LMF1: variants seen among roughly 807,000 people sequenced by gnomAD.
LMF1 encodes transmembrane protein 112.
LMF1 carries 68 observed loss-of-function variants against 60.6 expected under a neutral mutation model. That is an observed-to-expected ratio of 1.12 (90% confidence interval 0.92 to 1.37). The LOEUF is 1.37. Among genes scored for constraint, LMF1 ranks in the 40% most tolerant of loss-of-function variants. The probability of loss-of-function intolerance (pLI) is 0.00; values close to 1 mark genes in which losing one functional copy is unlikely to be tolerated. For synonymous variants in LMF1, 418 were observed against 324.7 expected, an observed-to-expected ratio of 1.29 and a Z score of -3.09; for missense variants, 948 against 767.2, an observed-to-expected ratio of 1.24 and a Z score of -2.78.
intron 1 of LMF1, among the ~76,000 whole-genome samples, chr16:956,583 C>T (rs2151481150): frequency 6.6e-6 from 1 of 152,324 alleles, no homozygotes; most frequent in Non-Finnish European, 1.5e-5. Context: ...GTGGCTCACG[C>T]CTGTAATCCC....
At chr16:918,524 A>AT (rs1376945579) in intron 3 of LMF1, among the ~76,000 whole-genome samples, 3 of 152,210 alleles carry the variant, frequency 2.0e-5, no homozygotes, top group African/African-American at 4.8e-5. Context: ...ACACCTGACC[A>AT]TTTCTTTGTC....
chr16:879,794 G>A (rs1331892167), intron 5 of LMF1, 57 bp from the exon 6 acceptor site: 2 of 1,513,822 alleles, frequency 1.3e-6, no homozygotes, highest in African/African-American at 2.8e-5. Context: ...GCGGGGCTAG[G>A]GAGAGGCTTG....
intron 3 of LMF1, among the ~76,000 whole-genome samples, chr16:926,399 C>T (rs114740696): frequency 0.011 from 1,628 of 152,142 alleles, 29 homozygotes; most frequent in African/African-American, 0.035. Flanking sequence ...GTGTAGTTTG[C>T]GTATGATCTG....
chr16:868,608 C>T (rs1220963590), intron 10 of LMF1, among the ~76,000 whole-genome samples: 3 of 152,210 alleles, frequency 2.0e-5, no homozygotes, highest in Non-Finnish European at 2.9e-5. Context: ...CTTGCCTCTC[C>T]AGGCCAGGAG....
Position 897,737 on chromosome 16 carries a change from G to T in LMF1, c.664-4665C>A, listed in dbSNP as rs1199385738. ...GCTCCGTGGGCAGAGGCACTATGGG[G>T]TCTATCAAGACCCTCTAGTCTCCAT... On this transcript the variant is annotated intron_variant, in intron 4 of 10. Coordinates refer to ENST00000262301, the MANE Select transcript of LMF1 (RefSeq NM_022773.4). This position sits in a 1 kb window ranked among gnomAD's most constrained non-coding sequence, Gnocchi z 4.3. Among the ~76,000 whole-genome samples, 4 of 152,176 alleles carry T rather than the reference G, an allele frequency of 2.6e-5. No homozygotes were observed. Among genetic ancestry groups the T allele is most frequent in the Non-Finnish European group, 4.4e-5 (3 of 68,018 alleles).
At chr16:948,945 G>C (rs451320) in intron 2 of LMF1, among the ~76,000 whole-genome samples, 63 of 53,374 alleles carry the variant, frequency 1.2e-3, no homozygotes, top group African/African-American at 5.8e-3. Flanking sequence ...TCAGAGCCAA[G>C]GACAGAGTCA....
intron 3 of LMF1, among the ~76,000 whole-genome samples, chr16:922,748 C>G (rs7500155): frequency 1.6e-5 from 1 of 61,060 alleles, no homozygotes; most frequent in Non-Finnish European, 2.9e-5. Context: ...GTGGTGTTGG[C>G]GTCGTGTTGT....
At chr16:880,704 T>C (rs1325457939) in intron 5 of LMF1, among the ~76,000 whole-genome samples, 1 of 152,218 alleles carries the variant, frequency 6.6e-6, no homozygotes, top group Non-Finnish European at 1.5e-5. Flanking sequence ...AGAGTGGTTG[T>C]GCAGACTTGT....
At chr16:910,797 C>A in intron 4 of LMF1, 134 bp downstream of exon 4, 1 of 1,113,082 alleles carries the variant, frequency 9.0e-7, no homozygotes, top group South Asian at 1.5e-5. Context: ...GAGTGCGCAG[C>A]TGGCCAGGCC....
Position 854,169 on chromosome 16 carries a change from C to A in LMF1, c.*363G>T. ...GCTAGAGACCCCAAGAGCTACCTGG[C>A]TGGGTCTATGGTCAGGGCTGTAGTG... On this transcript the variant is annotated 3_prime_UTR_variant, in exon 11 of 11. Transcript: ENST00000262301. 1 of 495,982 alleles carries A rather than the reference C, an allele frequency of 2.0e-6. No individual in the cohort carries two copies. The highest frequency in any genetic ancestry group is 3.9e-6 in the Non-Finnish European group (1 of 254,920). The allele number at this position is 495,982 out of a possible 1,614,324, so 30.7% of individuals were successfully genotyped here.
intron 5 of LMF1, among the ~76,000 whole-genome samples, chr16:890,463 C>T (rs1400025636): frequency 1.3e-5 from 2 of 152,156 alleles, no homozygotes; most frequent in Non-Finnish European, 2.9e-5. Flanking sequence ...CCTCACGCTG[C>T]CTGGCTTGGC....
chr16:876,825 G>A (rs2069999244), intron 6 of LMF1, among the ~76,000 whole-genome samples: 1 of 152,044 alleles, frequency 6.6e-6, no homozygotes, highest in Admixed American at 6.6e-5. Flanking sequence ...AACCACTGAG[G>A]AAACAGAGGA....
intron 1 of LMF1, among the ~76,000 whole-genome samples, chr16:960,427 A>T (rs1374089327): frequency 1.1e-5 from 1 of 88,982 alleles, no homozygotes; most frequent in Non-Finnish European, 2.2e-5. Flanking sequence ...ACAGCACGGG[A>T]TCACGACCCA....
intron 4 of LMF1, among the ~76,000 whole-genome samples, chr16:909,431 G>A (rs1294388387): frequency 2.0e-5 from 3 of 151,988 alleles, no homozygotes; most frequent in Admixed American, 6.5e-5. Context: ...ACCAAGCCAC[G>A]CCACACAGAA....
At chr16:935,885 C>T (rs77108788) in intron 2 of LMF1, among the ~76,000 whole-genome samples, 2,086 of 152,300 alleles carry the variant, frequency 0.014, 41 homozygotes, top group East Asian at 0.078. Flanking sequence ...CCATGACAAA[C>T]GACATCTGAG....
At position 872,571 on chromosome 16, in the gene LMF1, C is replaced by G. The variant is rs534805986; in HGVS notation, c.898-1230G>C. 8 of 152,490 alleles carry G rather than the reference C, an allele frequency of 5.2e-5. No individual in the cohort carries two copies. The East Asian group carries it at 1.5e-3, about 29-fold the overall frequency. 9.4% of individuals were successfully genotyped at this position (152,490 alleles called of 1,614,324 possible). A position where few individuals can be genotyped will look rare whatever the true frequency, so the allele number is the denominator to read the frequency against. ...TTAGCCACCTCTGCCACCAGCTCCCCTCCGCTGGTCCAGACCCCCATGCCC... is the reference window on the plus strand; with the variant it reads ...TTAGCCACCTCTGCCACCAGCTCCCGTCCGCTGGTCCAGACCCCCATGCCC... On this transcript the variant is annotated intron_variant, in intron 6 of 10. Coordinates refer to ENST00000262301, the MANE Select transcript of LMF1 (RefSeq NM_022773.4).
chr16:871,035 T>C (rs1324224741), intron 7 of LMF1, 126 bp downstream of exon 7: 26 of 1,397,228 alleles, frequency 1.9e-5, no homozygotes, highest in Middle Eastern at 5.1e-4. Context: ...CCTGGCACGC[T>C]ACACTGCGGA....
At chr16:960,424 G>T (rs796256687) in intron 1 of LMF1, among the ~76,000 whole-genome samples, 1,506 of 47,332 alleles carry the variant, frequency 0.032, 158 homozygotes, top group African/African-American at 0.17. Flanking sequence ...GTGACAGCAC[G>T]GGATCACGAC....
chr16:902,772 T>C (rs1238048157), intron 4 of LMF1, among the ~76,000 whole-genome samples: 4 of 116,198 alleles, frequency 3.4e-5, no homozygotes. Context: ...ACCTCTGCAC[T>C]GCCCACAGGA....
Sources: gnomAD v4.1 joint callset for allele counts (sites outside exome capture counted in the v4.1 genomes callset) on GRCh38, gnomAD v4.1.1 for gene constraint, Gnocchi (gnomAD v3.1) non-coding constraint, MANE v1.5 for transcripts, NCBI Gene and HGNC (gene_info 2026-07-23, HGNC 2026-07-21) for gene names.